TMEM123: variants seen among roughly 807,000 people sequenced by gnomAD.
The protein encoded by TMEM123 is porimin.
A neutral mutation model predicts 19.7 loss-of-function variants in TMEM123; 16 were observed. The ratio of observed to expected loss-of-function variants is 0.81; its 90% confidence interval spans 0.55 to 1.23. The LOEUF (loss-of-function observed/expected upper bound fraction) is 1.23, where lower values mean the gene tolerates loss of function less well. TMEM123 is among the 50% of genes most tolerant of loss of function. The pLI, the probability that TMEM123 is intolerant of heterozygous loss-of-function variation, is 0.00. For missense variants in TMEM123, 313 were observed against 257.8 expected, an observed-to-expected ratio of 1.21 and a Z score of -1.47; for synonymous variants, 118 against 99.4, an observed-to-expected ratio of 1.19 and a Z score of -1.12.
intron 2 of TMEM123, among the ~76,000 whole-genome samples, chr11:102,412,978 TGATA>T (rs1181892505): frequency 6.6e-6 from 1 of 152,156 alleles, no homozygotes; most frequent in East Asian, 1.9e-4. Flanking sequence ...TCTCAATTAT[TGATA>T]AAGTAAAAAA....
rs368762409 is a variant in TMEM123, at chr11:102,452,630, G to A, written c.-7C>T. 4.5e-5 allele frequency: 69 copies of A among 1,527,812 alleles called. No individual in the cohort carries two copies. The African/African-American group carries it at 7.0e-4, about 16-fold the overall frequency. The allele number at this position is 1,527,812 out of a possible 1,614,324, so 94.6% of individuals were successfully genotyped here. On this transcript the variant is annotated 5_prime_UTR_variant, in exon 1 of 5. Coordinates refer to ENST00000398136, the MANE Select transcript of TMEM123 (RefSeq NM_052932.3). ...CTCGCGCGCCGAGTCCCATTGTTCC[G>A]AGGGCAGGATGCGGCAGCCTCGTGG... is the stretch of plus-strand genomic sequence containing the variant.
Position 102,452,696 on chromosome 11 carries a change from C to A in TMEM123, c.-73G>T. 1.7e-6 allele frequency: 2 copies of A among 1,200,460 alleles called. No homozygotes were observed. The highest frequency in any genetic ancestry group is 1.1e-6 in the Non-Finnish European group (1 of 922,316). The allele number at this position is 1,200,460 out of a possible 1,614,324, so 74.4% of individuals were successfully genotyped here. On this transcript the variant is annotated 5_prime_UTR_variant, in exon 1 of 5. Coordinates refer to ENST00000398136, the MANE Select transcript of TMEM123 (RefSeq NM_052932.3). ...GGCGGCGGCGAGAGCGGCTCCTCTG[C>A]GCAGCCGGCGCCGGCTCCGCTTCCC...
chr11:102,439,776 A>T (rs564049939), intron 2 of TMEM123, among the ~76,000 whole-genome samples: 1 of 152,336 alleles, frequency 6.6e-6, no homozygotes, highest in East Asian at 1.9e-4. Context: ...GGATGTTCAA[A>T]CCCATCGCAA....
intron 2 of TMEM123, among the ~76,000 whole-genome samples, chr11:102,423,034 A>T (rs1203423658): frequency 1.3e-5 from 2 of 152,204 alleles, no homozygotes; most frequent in African/African-American, 4.8e-5. Flanking sequence ...CCCACTTCTA[A>T]GAATCTAGCT....
chr11:102,400,264 T>C (rs908421808), intron 4 of TMEM123, among the ~76,000 whole-genome samples: 2 of 152,204 alleles, frequency 1.3e-5, no homozygotes, highest in South Asian at 4.1e-4. Flanking sequence ...TTAGCTCCCA[T>C]TGAAGAGGGG....
In TMEM123 at chr11:102,398,397, A is replaced by G. The variant is rs71478580; in HGVS notation, c.*470T>C. On this transcript the variant is annotated 3_prime_UTR_variant, in exon 5 of 5. Coordinates refer to ENST00000398136, the MANE Select transcript of TMEM123 (RefSeq NM_052932.3). ...TATGCTTCAGATCTAGTTTGATTGT[A>G]TAATTTCTGTGTGGCATTAGTAATT... The G allele has an allele frequency of 0.029, 11,335 of 395,744 alleles. 213 individuals carry two copies. Among genetic ancestry groups the G allele is most frequent in the Admixed American group, 0.035 (804 of 22,678 alleles). 24.5% of individuals were successfully genotyped at this position (395,744 alleles called of 1,614,324 possible). A position where few individuals can be genotyped will look rare whatever the true frequency, so the allele number is the denominator to read the frequency against.
At position 102,407,760 on chromosome 11, in the gene TMEM123, A is replaced by AT. The variant is rs111866926; in HGVS notation, c.158-5555dup. Among the ~76,000 whole-genome samples, 1,120 of 152,244 alleles carry AT rather than the reference A, an allele frequency of 7.4e-3. 14 individuals are homozygous for AT. Among genetic ancestry groups the AT allele is most frequent in the African/African-American group, 0.026 (1,068 of 41,516 alleles). On this transcript the variant is annotated intron_variant, in intron 2 of 4. Coordinates refer to ENST00000398136, the MANE Select transcript of TMEM123 (RefSeq NM_052932.3). Reference sequence around the variant, plus strand: ...AAGCCAGAGGAGAGGCATGGAACAGATTCTCTCAAAGCCCCCAGAAGGAAG... The same window carrying AT: ...AAGCCAGAGGAGAGGCATGGAACAGATTTCTCTCAAAGCCCCCAGAAGGAAG...
At chr11:102,441,025 A>G (rs902485405) in intron 2 of TMEM123, among the ~76,000 whole-genome samples, 2 of 152,226 alleles carry the variant, frequency 1.3e-5, no homozygotes, top group African/African-American at 4.8e-5. Flanking sequence ...CCAATACAGG[A>G]GCACCCAGAT....
intron 2 of TMEM123, among the ~76,000 whole-genome samples, chr11:102,424,860 A>G (rs2135854003): frequency 6.6e-6 from 1 of 152,300 alleles, no homozygotes; most frequent in Middle Eastern, 3.4e-3. Flanking sequence ...GCCAGAATGA[A>G]TGTTCCCTCC....
intron 2 of TMEM123, among the ~76,000 whole-genome samples, chr11:102,416,565 A>G (rs1952045100): frequency 6.6e-6 from 1 of 152,162 alleles, no homozygotes; most frequent in African/African-American, 2.4e-5. Flanking sequence ...ACCGATTCAC[A>G]GTCAAGTTCT....
At chr11:102,445,222 CAATT>C (rs1434385871) in intron 2 of TMEM123, among the ~76,000 whole-genome samples, 1 of 152,180 alleles carries the variant, frequency 6.6e-6, no homozygotes, top group East Asian at 1.9e-4. Flanking sequence ...GAGTTGAACA[CAATT>C]AACTTTCTGA....
chr11:102,415,375 A>G (rs1353906043), intron 2 of TMEM123, among the ~76,000 whole-genome samples: 1 of 152,196 alleles, frequency 6.6e-6, no homozygotes, highest in Non-Finnish European at 1.5e-5. Context: ...ACAACAGAAT[A>G]TACATTCTCC....
chr11:102,399,021 G>GTA, intron 4 of TMEM123, 130 bp from the exon 5 acceptor site: 1 of 804,636 alleles, frequency 1.2e-6, no homozygotes, highest in Non-Finnish European at 1.9e-6. Flanking sequence ...AGTGTTCTGT[G>GTA]TAAAGTTCCT....
intron 2 of TMEM123, chr11:102,448,123 C>G: frequency 2.4e-6 from 1 of 411,734 alleles, no homozygotes; most frequent in South Asian, 1.8e-5. Context: ...TAAAAGTAAA[C>G]AAAACAAGTT....
intron 2 of TMEM123, among the ~76,000 whole-genome samples, chr11:102,423,655 T>A (rs557974107): frequency 6.6e-6 from 1 of 152,334 alleles, no homozygotes; most frequent in East Asian, 1.9e-4. Context: ...ACCACTTAGT[T>A]CTGGGGTTCT....
intron 2 of TMEM123, among the ~76,000 whole-genome samples, chr11:102,412,724 A>T (rs1952015200): frequency 6.6e-6 from 1 of 152,222 alleles, no homozygotes; most frequent in Non-Finnish European, 1.5e-5. Flanking sequence ...TTTCATATAC[A>T]AGATGAGAAA....
intron 2 of TMEM123, among the ~76,000 whole-genome samples, chr11:102,437,473 AAAT>A (rs1361053960): frequency 2.6e-5 from 4 of 151,328 alleles, no homozygotes; most frequent in Admixed American, 6.6e-5. Context: ...AAAAAAAAAA[AAAT>A]TTTTTTTACG....
At chr11:102,403,300 G>A (rs998484503) in intron 2 of TMEM123, among the ~76,000 whole-genome samples, 5 of 152,166 alleles carry the variant, frequency 3.3e-5, no homozygotes, top group Non-Finnish European at 5.9e-5. Flanking sequence ...ATGAGCCACC[G>A]TGCCCGGCCA....
intron 2 of TMEM123, among the ~76,000 whole-genome samples, chr11:102,443,530 T>C (rs577444701): frequency 6.6e-6 from 1 of 152,222 alleles, no homozygotes; most frequent in South Asian, 2.1e-4. Context: ...CCTTATACAT[T>C]ATACAAAATT....
Sources: gnomAD v4.1 joint callset for allele counts (sites outside exome capture counted in the v4.1 genomes callset) on GRCh38, gnomAD v4.1.1 for gene constraint, MANE v1.5 for transcripts, NCBI Gene and HGNC (gene_info 2026-07-23, HGNC 2026-07-21) for gene names.